E2F6: variants seen among roughly 807,000 people sequenced by gnomAD.
E2F6 encodes the protein transcription factor E2F6.
A neutral mutation model predicts 31.5 loss-of-function variants in E2F6; 19 were observed. That is an observed-to-expected ratio of 0.60 (90% CI 0.42 to 0.89). The LOEUF (loss-of-function observed/expected upper bound fraction) is 0.89, where lower values mean the gene tolerates loss of function less well. Ranked by LOEUF, E2F6 falls within the 40% of genes least tolerant of loss-of-function variation. E2F6 has a pLI of 0.00. For missense variants in E2F6, 269 were observed against 341.6 expected, an observed-to-expected ratio of 0.79 and a Z score of 1.67; for synonymous variants, 121 against 127.7, an observed-to-expected ratio of 0.95 and a Z score of 0.36.
intron 5 of E2F6, among the ~76,000 whole-genome samples, chr2:11,448,564 C>G (rs1670866169): frequency 6.6e-6 from 1 of 152,178 alleles, no homozygotes; most frequent in African/African-American, 2.4e-5. Context: ...GTCTCAGAGC[C>G]TCACCTGCCC....
At position 11,445,096 on chromosome 2, in the gene E2F6, T is replaced by C. The variant is rs1670640354; in HGVS notation, c.*1381A>G. 1 of 152,232 alleles carries C rather than the reference T, an allele frequency of 6.6e-6. No homozygotes were observed. Among genetic ancestry groups the C allele is most frequent in the African/African-American group, 2.4e-5 (1 of 41,470 alleles). 9.4% of individuals were successfully genotyped at this position (152,232 alleles called of 1,614,324 possible). On this transcript the variant is annotated 3_prime_UTR_variant, in exon 7 of 7. Transcript: ENST00000381525. ...CAAAAGCCACCAGAGCTCAGAGGTATGTGAATCCTAAACACTCAGCATTAT... is the reference window on the plus strand; with the variant it reads ...CAAAAGCCACCAGAGCTCAGAGGTACGTGAATCCTAAACACTCAGCATTAT...
rs1391785039 is a variant in E2F6, at chr2:11,466,128, C to T, written c.-249G>A. The stretch of plus-strand genomic sequence containing the variant: ...GGGAGACCCGCGGATCTCAAGTCGC[C>T]CGGCCCGCCATCTTCCCGCATGCGC... On this transcript the variant is annotated 5_prime_UTR_variant, in exon 1 of 7. Transcript: ENST00000381525. 8 of 467,500 alleles carry T rather than the reference C, an allele frequency of 1.7e-5. No individual in the cohort carries two copies. The highest frequency in any genetic ancestry group is 2.6e-5 in the Non-Finnish European group (7 of 265,594). The allele number at this position is 467,500 out of a possible 1,614,324, so 29.0% of individuals were successfully genotyped here.
chr2:11,458,301 C>A, intron 1 of E2F6: 1 of 1,551,782 alleles, frequency 6.4e-7, no homozygotes, highest in Non-Finnish European at 8.7e-7. Context: ...ATGGCGAAGG[C>A]AGCCCTCAGC....
intron 3 of E2F6, 124 bp downstream of exon 3, chr2:11,453,458 C>T: frequency 1.1e-6 from 1 of 906,886 alleles, no homozygotes. Context: ...ATAGAATTCT[C>T]TTCTAACAAG....
intron 2 of E2F6, chr2:11,456,916 A>C (rs1031260559): frequency 2.4e-6 from 1 of 413,790 alleles, no homozygotes; most frequent in East Asian, 5.3e-5. Context: ...GACAAGAAGG[A>C]AAGAGTACAT....
intron 4 of E2F6, among the ~76,000 whole-genome samples, chr2:11,450,346 C>T (rs544999755): frequency 1.3e-5 from 2 of 151,688 alleles, no homozygotes; most frequent in South Asian, 4.2e-4. Flanking sequence ...ACAATATTTA[C>T]AACACAACCT....
At chr2:11,454,218 C>T (rs555616106) in intron 2 of E2F6, among the ~76,000 whole-genome samples, 7 of 152,252 alleles carry the variant, frequency 4.6e-5, no homozygotes, top group Middle Eastern at 6.8e-3. Flanking sequence ...AGAGAATTGG[C>T]GGCTTTTTTT....
chr2:11,451,600 T>TAA, intron 4 of E2F6, 51 bp downstream of exon 4: 1 of 1,527,296 alleles, frequency 6.5e-7, no homozygotes, highest in Non-Finnish European at 8.8e-7. Context: ...ACTACTTAAG[T>TAA]AATCTGTTTT....
intron 2 of E2F6, among the ~76,000 whole-genome samples, chr2:11,454,352 C>CTTT (rs535824786): frequency 7.1e-6 from 1 of 140,528 alleles, no homozygotes. Context: ...GTATCTCTCT[C>CTTT]TTTTTTTTTT....
Position 11,448,215 on chromosome 2 carries a change from A to T in E2F6, c.652-441T>A, listed in dbSNP as rs549526669. 4.6e-5 allele frequency among the ~76,000 whole-genome samples: 7 copies of T among 152,354 alleles called. No individual in the cohort carries two copies. The East Asian group carries it at 1.2e-3, about 25-fold the overall frequency. On this transcript the variant is annotated intron_variant, in intron 5 of 6. Transcript: ENST00000381525. ...TATATCTCAAGTAAAATGTCAAAAA[A>T]ATCGTTTACATTATTTATAAAGGAC...
intron 1 of E2F6, among the ~76,000 whole-genome samples, chr2:11,460,905 C>T (rs1671735506): frequency 6.6e-6 from 1 of 152,094 alleles, no homozygotes; most frequent in Admixed American, 6.6e-5. Context: ...TTTTCAGCTC[C>T]ACTATAATCT....
In E2F6 at chr2:11,447,783, G is replaced by A. The variant is rs1161834323; in HGVS notation, c.652-9C>T. ...TGCACTGTGATAGAGTCCTAGCAAA[G>A]GACACAGGAATCGTCAAGATGAATG... On this transcript the variant is annotated splice_polypyrimidine_tract_variant and intron_variant, in intron 5 of 6. Coordinates refer to ENST00000381525, the MANE Select transcript of E2F6 (RefSeq NM_198256.4). The A allele has an allele frequency of 6.2e-7, 1 of 1,603,328 alleles. No individual in the cohort carries two copies. Among genetic ancestry groups the A allele is most frequent in the East Asian group, 2.2e-5 (1 of 44,794 alleles).
intron 3 of E2F6, among the ~76,000 whole-genome samples, chr2:11,453,217 T>G (rs1395497349): frequency 6.6e-6 from 1 of 152,084 alleles, no homozygotes; most frequent in Non-Finnish European, 1.5e-5. Flanking sequence ...AACACCTCGC[T>G]ACGTCATAAT....
rs1193834086 is a variant in E2F6 at position 11,465,785 on chromosome 2, A to C, written c.95T>G (p.Val32Gly). ...CCCGGAGCTTACCAGCAGGCCCTCC[A>C]CGTTGATGGGGTCTCGGCACCGACG... ...VRRRCRDPIN[V>G]EGLLPSKIRI... The change falls in exon 1 of 7, where the codon GTG becomes GGG. Residue 32 changes from valine (V) to glycine (G), a missense_variant. Physicochemically the swap from Val to Gly is moderately radical, Grantham distance 109 (BLOSUM62 -3). Transcript: ENST00000381525. The C allele has an allele frequency of 6.3e-7, 1 of 1,598,232 alleles. No individual in the cohort carries two copies. The highest frequency in any genetic ancestry group is 8.5e-7 in the Non-Finnish European group (1 of 1,173,354).
intron 6 of E2F6, 46 bp from the exon 7 acceptor site, chr2:11,446,569 A>G (rs1404552745): frequency 6.5e-7 from 1 of 1,531,950 alleles, no homozygotes; most frequent in Non-Finnish European, 9.0e-7. Context: ...GAATACACCT[A>G]AGTGAAGGTC....
At chr2:11,451,348 CTTTTTT>C in intron 4 of E2F6, 3 of 105,190 alleles carry the variant, frequency 2.9e-5, no homozygotes, top group South Asian at 5.2e-4. Context: ...TTTTACCTAA[CTTTTTT>C]TTTTTTTTTT....
intron 6 of E2F6, among the ~76,000 whole-genome samples, 179 bp downstream of exon 6, chr2:11,447,448 T>C (rs1670787174): frequency 6.6e-6 from 1 of 152,210 alleles, no homozygotes; most frequent in Admixed American, 6.5e-5. Flanking sequence ...CTACCAAAAC[T>C]ACAGAAATTT....
In E2F6 at chr2:11,451,773, G is replaced by C; in HGVS notation, c.414C>G (p.Pro138=). 6.2e-7 allele frequency: 1 copy of C among 1,608,762 alleles called. No individual in the cohort carries two copies. Among genetic ancestry groups the C allele is most frequent in the Non-Finnish European group, 8.5e-7 (1 of 1,176,902 alleles). Residue 138 remains proline (P), a synonymous_variant, in exon 4 of 7, where the codon CCC becomes CCG. Coordinates refer to ENST00000381525, the MANE Select transcript of E2F6 (RefSeq NM_198256.4). ...GTTCCTCCTGTAGCTTCTTTTGTTG[G>C]GGAACTGCTCCAAAATTGCTAAGAT... ...GSDLSNFGAV[P]QQKKLQEELS...
intron 3 of E2F6, 88 bp from the exon 4 acceptor site, chr2:11,451,894 T>C (rs909848585): frequency 7.6e-7 from 1 of 1,310,344 alleles, no homozygotes; most frequent in African/African-American, 1.5e-5. Flanking sequence ...TCTCCAAATG[T>C]TTGCCATAAG....
Sources: allele counts gnomAD v4.1 joint callset (sites outside exome capture counted in the v4.1 genomes callset), GRCh38; gene constraint gnomAD v4.1.1; transcripts MANE v1.5; gene names NCBI Gene and HGNC (gene_info 2026-07-23, HGNC 2026-07-21).